Variants in TMEM91 observed in about 807,000 individuals in gnomAD.
TMEM91 encodes transmembrane protein 91, also known as dispanin subfamily C member 3.
Under a neutral mutation model 13.3 loss-of-function variants are expected in TMEM91, and 6 were observed. The observed-to-expected ratio is 0.45, with a 90% CI of 0.25 to 0.89. TMEM91 has a LOEUF of 0.89. Among genes scored for constraint, TMEM91 ranks in the 40% least tolerant of loss-of-function variants. TMEM91 has a pLI of 0.19. For synonymous variants in TMEM91, 87 were observed against 101.7 expected (o/e 0.86, Z 0.87); for missense variants, 193 against 228.7 (o/e 0.84, Z 1.01).
At chr19:41,365,059 T>C (rs546958576) in intron 1 of TMEM91, among the ~76,000 whole-genome samples, 1 of 151,450 alleles carries the variant, frequency 6.6e-6, no homozygotes, top group South Asian at 2.1e-4. Flanking sequence ...TTTTTTTTTT[T>C]AAGAGATGGA....
Position 41,384,069 on chromosome 19 carries a change from A to C in TMEM91, c.*196A>C. On this transcript the variant is annotated 3_prime_UTR_variant, in exon 4 of 4. Coordinates refer to ENST00000392002, the MANE Select transcript of TMEM91 (RefSeq NM_001098821.2). ...AGCAACCTGAGATTAAACACCAGAC[A>C]CCCTTGCAGCCAAACCAGAGTCTGT... is the stretch of plus-strand genomic sequence containing the variant. 2 of 996,274 alleles carry C rather than the reference A, an allele frequency of 2.0e-6. No individual in the cohort carries two copies. Among genetic ancestry groups the C allele is most frequent in the East Asian group, 3.0e-5 (1 of 33,316 alleles). The allele number at this position is 996,274 out of a possible 1,614,324, so 61.7% of individuals were successfully genotyped here.
intron 2 of TMEM91, among the ~76,000 whole-genome samples, chr19:41,379,619 G>A (rs942993130): frequency 6.6e-6 from 1 of 150,844 alleles, no homozygotes; most frequent in Non-Finnish European, 1.5e-5. Context: ...GAGAGAGAAA[G>A]AGAGAAAGAA....
At chr19:41,383,117 A>G in intron 3 of TMEM91, 196 bp downstream of exon 3, 2 of 694,174 alleles carry the variant, frequency 2.9e-6, no homozygotes, top group South Asian at 4.0e-5. Context: ...GCAGTGGTAC[A>G]ATCTCGGCTC....
At chr19:41,379,516 C>T (rs2038819640) in intron 2 of TMEM91, among the ~76,000 whole-genome samples, 1 of 134,728 alleles carries the variant, frequency 7.4e-6, no homozygotes, top group African/African-American at 2.8e-5. Context: ...CAGAGCAAGA[C>T]AGACAGAAAG....
At chr19:41,371,000 GC>G (rs2038607744) in intron 1 of TMEM91, among the ~76,000 whole-genome samples, 2 of 151,308 alleles carry the variant, frequency 1.3e-5, no homozygotes, top group Admixed American at 6.6e-5. Flanking sequence ...ACCGTGTCTG[GC>G]CTGTTTTTTA....
At position 41,369,243 on chromosome 19, in the gene TMEM91, T is replaced by G. The variant is rs1326821022; in HGVS notation, c.-30+5148T>G. 2.6e-5 allele frequency among the ~76,000 whole-genome samples: 4 copies of G among 152,020 alleles called. No individual in the cohort carries two copies. The South Asian group carries it at 8.3e-4, about 31-fold the overall frequency. Reference sequence around the variant, plus strand: ...CCCAGGCTGGAGTGCAATGGTGTGATCTCTCCTCACCACAACCTCTGCCTC... The same window carrying G: ...CCCAGGCTGGAGTGCAATGGTGTGAGCTCTCCTCACCACAACCTCTGCCTC... On this transcript the variant is annotated intron_variant, in intron 1 of 3. Coordinates refer to the TMEM91 transcript ENST00000413014.
At chr19:41,375,934 C>A (rs1009182151), upstream of TMEM91, among the ~76,000 whole-genome samples, 1 of 151,998 alleles carries the variant, frequency 6.6e-6, no homozygotes, top group Non-Finnish European at 1.5e-5. Context: ...CCAACCTGAC[C>A]AACACAGCGA....
At chr19:41,366,165 G>A (rs993567990) in intron 1 of TMEM91, among the ~76,000 whole-genome samples, 6 of 145,092 alleles carry the variant, frequency 4.1e-5, no homozygotes, top group African/African-American at 1.5e-4. Context: ...CCTTTAAGCT[G>A]GAGCTGGGGA....
At chr19:41,366,269 G>A (rs2038526495) in intron 1 of TMEM91, among the ~76,000 whole-genome samples, 1 of 151,826 alleles carries the variant, frequency 6.6e-6, no homozygotes, top group Admixed American at 6.6e-5. Context: ...GTCCCCTAGT[G>A]GTGGCACCAG....
chr19:41,378,171 G>C, intron 1 of TMEM91, 110 bp from the exon 2 acceptor site: 1 of 777,984 alleles, frequency 1.3e-6, no homozygotes, highest in Non-Finnish European at 2.1e-6. Context: ...AAATGGGTCT[G>C]AGGACCACTG....
chr19:41,367,057 C>A (rs1167447497), intron 1 of TMEM91, among the ~76,000 whole-genome samples: 1 of 152,128 alleles, frequency 6.6e-6, no homozygotes, highest in Non-Finnish European at 1.5e-5. Flanking sequence ...AGGAGCATCA[C>A]TTGAACCTGG....
chr19:41,378,913 C>T (rs1409150648), intron 2 of TMEM91, among the ~76,000 whole-genome samples: 1 of 151,744 alleles, frequency 6.6e-6, no homozygotes, highest in East Asian at 1.9e-4. Context: ...TTTACTGCAA[C>T]CTTGACCTCC....
At chr19:41,373,682 G>A (rs2038659439), upstream of TMEM91, among the ~76,000 whole-genome samples, 1 of 23,564 alleles carries the variant, frequency 4.2e-5, no homozygotes, top group African/African-American at 1.6e-4. Flanking sequence ...TCAGGAGTTT[G>A]AGACCAGCCT....
At chr19:41,377,731 C>T (rs2123185081) in intron 1 of TMEM91, among the ~76,000 whole-genome samples, 1 of 152,038 alleles carries the variant, frequency 6.6e-6, no homozygotes, top group South Asian at 2.1e-4. Context: ...CAGAATTTGG[C>T]TGGGTGCGGT....
intron 1 of TMEM91, among the ~76,000 whole-genome samples, chr19:41,366,461 C>G (rs1875044492): frequency 6.6e-6 from 1 of 152,150 alleles, no homozygotes; most frequent in African/African-American, 2.4e-5. Context: ...CCTTTGCCAA[C>G]CCCTCTAGTT....
At chr19:41,377,816 G>A (rs1329162088) in intron 1 of TMEM91, among the ~76,000 whole-genome samples, 2 of 151,658 alleles carry the variant, frequency 1.3e-5, no homozygotes, top group Non-Finnish European at 2.9e-5. Flanking sequence ...TTCGGGACCA[G>A]CCTGGTTAAC....
At chr19:41,374,901 T>C (rs2038681807), upstream of TMEM91, among the ~76,000 whole-genome samples, 1 of 152,152 alleles carries the variant, frequency 6.6e-6, no homozygotes. Context: ...GAGAATCGCT[T>C]GAACCTGGGA....
chr19:41,379,402 C>T (rs893590695), intron 2 of TMEM91, among the ~76,000 whole-genome samples: 3 of 149,646 alleles, frequency 2.0e-5, no homozygotes, highest in African/African-American at 4.9e-5. Flanking sequence ...GGTGTGATGG[C>T]GTGTTCCTGT....
upstream of TMEM91, chr19:41,376,234 C>T (rs900769502): frequency 6.6e-6 from 1 of 152,268 alleles, no homozygotes; most frequent in Non-Finnish European, 1.5e-5. Flanking sequence ...GAATGTAAAG[C>T]GTTTAACACA....
Sources: allele counts gnomAD v4.1 joint callset (sites outside exome capture counted in the v4.1 genomes callset), GRCh38; gene constraint gnomAD v4.1.1; transcripts MANE v1.5; gene names NCBI Gene and HGNC (gene_info 2026-07-23, HGNC 2026-07-21).